ARHGAP42: variants seen among roughly 807,000 people sequenced by gnomAD.
ARHGAP42 encodes rho GTPase-activating protein 42.
In ARHGAP42, 63 loss-of-function variants were observed where a neutral mutation model predicts 125.0. The ratio of observed to expected loss-of-function variants is 0.50; its 90% confidence interval spans 0.41 to 0.62. The LOEUF (loss-of-function observed/expected upper bound fraction) is 0.62, where lower values mean the gene tolerates loss of function less well. Ranked by LOEUF, ARHGAP42 falls within the 20% of genes least tolerant of loss-of-function variation. The pLI is 0.00. For missense variants in ARHGAP42, 766 were observed against 1,024.2 expected (o/e 0.75, Z 3.44); for synonymous variants, 339 against 351.0 (o/e 0.97, Z 0.38).
At chr11:100,848,379 T>C (rs778658270) in intron 3 of ARHGAP42, among the ~76,000 whole-genome samples, 11 of 152,194 alleles carry the variant, frequency 7.2e-5, no homozygotes, top group Non-Finnish European at 1.2e-4. Context: ...CATTATGTTT[T>C]GTTGTTAGGA....
At chr11:100,743,365 T>C (rs1435637241) in intron 1 of ARHGAP42, among the ~76,000 whole-genome samples, 1 of 152,200 alleles carries the variant, frequency 6.6e-6, no homozygotes, top group Non-Finnish European at 1.5e-5. Context: ...GTGACAGTTA[T>C]TCTGTTTAAG....
In ARHGAP42 at chr11:100,913,498, T is replaced by C. The variant is rs1419516740; in HGVS notation, c.431T>C (p.Ile144Thr). 7.7e-7 allele frequency: 1 copy of C among 1,299,212 alleles called. No individual in the cohort carries two copies. 80.5% of individuals were successfully genotyped at this position (1,299,212 alleles called of 1,614,324 possible). A position where few individuals can be genotyped will look rare whatever the true frequency, so the allele number is the denominator to read the frequency against. Residue 144 changes from isoleucine (I) to threonine (T), a missense_variant, in exon 5 of 24, where the codon ATC (isoleucine) becomes ACC (threonine). This residue lies in a region of ARHGAP42 where 455 missense variants were observed against 636.5 expected (regional missense o/e 0.71). Transcript: ENST00000298815. The stretch of plus-strand genomic sequence containing the variant: ...AAAGAGAGTGAAAAATATTACTCTA[T>C]CCTTGAAAAGCATTTAAATTTGTCC... ...FDKESEKYYSILEKHLNLSAK... is the reference protein window; with the variant it reads ...FDKESEKYYSTLEKHLNLSAK...
chr11:100,895,493 C>CT lies in ARHGAP42; in HGVS notation c.385-17939dup, dbSNP rs55789058. The stretch of plus-strand genomic sequence containing the variant: ...CAGAACTATTCTTATAAAAGAGCAA[C>CT]TTTTTTTTTTTTTTTTTTTTAATCC... On this transcript the variant is annotated intron_variant, in intron 4 of 23. Transcript: ENST00000298815. Among the ~76,000 whole-genome samples the CT allele has an allele frequency of 4.8e-3, 598 of 123,462 alleles. 6 individuals are homozygous for CT. The highest frequency in any genetic ancestry group is 8.6e-3 in the African/African-American group (302 of 35,242). 81.0% of individuals were successfully genotyped at this position (123,462 alleles called of 152,430 possible). A position where few individuals can be genotyped will look rare whatever the true frequency, so the allele number is the denominator to read the frequency against.
At chr11:100,731,348 G>A (rs1262202042) in intron 1 of ARHGAP42, among the ~76,000 whole-genome samples, 5 of 151,944 alleles carry the variant, frequency 3.3e-5, no homozygotes, top group African/African-American at 7.3e-5. Context: ...TAGTAGAGAC[G>A]GGGTTTCACC....
intron 3 of ARHGAP42, among the ~76,000 whole-genome samples, chr11:100,802,917 C>T (rs1168781974): frequency 6.6e-6 from 1 of 152,222 alleles, no homozygotes; most frequent in Non-Finnish European, 1.5e-5. Flanking sequence ...CCACATATCT[C>T]CCCTGGCCTC....
chr11:100,851,740 A>G (rs1414457449), intron 3 of ARHGAP42, among the ~76,000 whole-genome samples: 4 of 152,210 alleles, frequency 2.6e-5, no homozygotes, highest in African/African-American at 7.2e-5. Context: ...ATTTCTCAGA[A>G]CACATGCCCA....
At chr11:100,900,747 T>A (rs905346723) in intron 4 of ARHGAP42, among the ~76,000 whole-genome samples, 6 of 152,202 alleles carry the variant, frequency 3.9e-5, no homozygotes, top group South Asian at 2.1e-4. Flanking sequence ...TTGCCATGGT[T>A]TTCAGCTCCA....
chr11:100,822,605 T>G (rs1864428793), intron 3 of ARHGAP42, among the ~76,000 whole-genome samples: 2 of 152,168 alleles, frequency 1.3e-5, no homozygotes, highest in Admixed American at 1.3e-4. Flanking sequence ...CTACACTGTT[T>G]GTAGACTACA....
intron 4 of ARHGAP42, among the ~76,000 whole-genome samples, chr11:100,868,321 G>A (rs1417247081): frequency 6.6e-6 from 1 of 152,176 alleles, no homozygotes. Flanking sequence ...TGGCACTGAT[G>A]TATATAAGGT....
At chr11:100,812,100 C>A (rs1022356046) in intron 3 of ARHGAP42, among the ~76,000 whole-genome samples, 1 of 152,116 alleles carries the variant, frequency 6.6e-6, no homozygotes, top group African/African-American at 2.4e-5. Context: ...CGTGCCTGTC[C>A]CTCTCTTCAG....
At chr11:100,774,977 G>A (rs1040262947) in intron 2 of ARHGAP42, among the ~76,000 whole-genome samples, 1 of 152,168 alleles carries the variant, frequency 6.6e-6, no homozygotes, top group Non-Finnish European at 1.5e-5. Context: ...GTGGCTCAGA[G>A]AGCAGGTCAG....
At chr11:100,843,139 A>C (rs763680783) in intron 3 of ARHGAP42, among the ~76,000 whole-genome samples, 2 of 152,126 alleles carry the variant, frequency 1.3e-5, no homozygotes, top group Non-Finnish European at 2.9e-5. Context: ...GAGATATTAC[A>C]ACTGACACCA....
intron 5 of ARHGAP42, among the ~76,000 whole-genome samples, chr11:100,919,433 T>C (rs945940678): frequency 6.6e-6 from 1 of 152,004 alleles, no homozygotes; most frequent in Admixed American, 6.6e-5. Flanking sequence ...AACACAGCAG[T>C]CAGGCCTGCT....
chr11:100,878,708 G>A (rs1397697829), intron 4 of ARHGAP42, among the ~76,000 whole-genome samples: 1 of 152,132 alleles, frequency 6.6e-6, no homozygotes, highest in African/African-American at 2.4e-5. Flanking sequence ...GAGTAAGTCA[G>A]TGGCAAGAGC....
intron 2 of ARHGAP42, among the ~76,000 whole-genome samples, chr11:100,776,399 A>G (rs1359037807): frequency 6.6e-6 from 1 of 152,124 alleles, no homozygotes. Context: ...CAAGAAGGAG[A>G]GTCACTTTGC....
At chr11:100,769,237 G>C (rs529546527) in intron 1 of ARHGAP42, among the ~76,000 whole-genome samples, 7 of 152,140 alleles carry the variant, frequency 4.6e-5, no homozygotes, top group Non-Finnish European at 8.8e-5. Flanking sequence ...TTTATGTGGT[G>C]CTTGACTGTG....
chr11:100,951,557 G>A (rs1317393588), intron 12 of ARHGAP42, among the ~76,000 whole-genome samples: 1 of 152,110 alleles, frequency 6.6e-6, no homozygotes, highest in Non-Finnish European at 1.5e-5. Context: ...GAAGACAATT[G>A]CACCTATATA....
intron 1 of ARHGAP42, among the ~76,000 whole-genome samples, chr11:100,768,459 G>A (rs13377291): frequency 0.032 from 4,884 of 152,250 alleles, 89 homozygotes; most frequent in Middle Eastern, 0.068. Context: ...GCAAGGGTCA[G>A]GGACAAGGTG....
intron 1 of ARHGAP42, among the ~76,000 whole-genome samples, chr11:100,757,910 A>G (rs1862612374): frequency 6.6e-6 from 1 of 152,108 alleles, no homozygotes; most frequent in South Asian, 2.1e-4. Context: ...TATCCAAGAG[A>G]GTGGTTTATG....
Sources: allele counts gnomAD v4.1 joint callset (sites outside exome capture counted in the v4.1 genomes callset), GRCh38; gene constraint gnomAD v4.1.1; regional missense constraint gnomAD v4.1.1; transcripts MANE v1.5; gene names NCBI Gene and HGNC (gene_info 2026-07-23, HGNC 2026-07-21).